The following OTUD7A variants were observed in gnomAD, a reference collection of about 807,000 sequenced individuals.
The protein encoded by OTUD7A is OTU deubiquitinase 7A.
In OTUD7A, 12 loss-of-function variants were observed where a neutral mutation model predicts 65.7. The ratio of observed to expected loss-of-function variants is 0.18; its 90% CI spans 0.12 to 0.30. The LOEUF is 0.30. OTUD7A is among the 10% of genes least tolerant of loss of function. The pLI, the probability that OTUD7A is intolerant of heterozygous loss-of-function variation, is 1.00. For synonymous variants in OTUD7A, 641 were observed against 586.3 expected (o/e 1.09, Z -1.35); for missense variants, 1,148 against 1,304.8 (o/e 0.88, Z 1.85).
At chr15:31,485,115 CG>C (rs1411574936) in intron 12 of OTUD7A, among the ~76,000 whole-genome samples, 1 of 152,156 alleles carries the variant, frequency 6.6e-6, no homozygotes, top group African/African-American at 2.4e-5. Context: ...CAATTTAGAA[CG>C]GTCAGGTTCA....
intron 1 of OTUD7A, among the ~76,000 whole-genome samples, chr15:31,689,852 C>T (rs1278004642): frequency 2.0e-5 from 3 of 152,146 alleles, no homozygotes; most frequent in African/African-American, 7.2e-5. Flanking sequence ...AAACACTGAA[C>T]TCTGACTTCT....
intron 1 of OTUD7A, among the ~76,000 whole-genome samples, chr15:31,797,495 T>A (rs779828862): frequency 1.8e-4 from 27 of 152,200 alleles, no homozygotes; most frequent in Non-Finnish European, 3.4e-4. Context: ...ACCCTCTCCC[T>A]GTAGCCTGTC....
chr15:31,537,182 C>T (rs974765441), intron 5 of OTUD7A, among the ~76,000 whole-genome samples: 2 of 152,066 alleles, frequency 1.3e-5, no homozygotes, highest in Non-Finnish European at 2.9e-5. Context: ...ACAGTTATTG[C>T]CTAATGTGTT....
intron 1 of OTUD7A, among the ~76,000 whole-genome samples, chr15:31,866,719 C>T (rs1442744083): frequency 6.6e-6 from 1 of 152,198 alleles, no homozygotes; most frequent in Non-Finnish European, 1.5e-5. Context: ...CAAGGATGAA[C>T]AGCTTCTAAA....
At chr15:31,514,723 C>T (rs2041816739) in intron 8 of OTUD7A, among the ~76,000 whole-genome samples, 1 of 152,252 alleles carries the variant, frequency 6.6e-6, no homozygotes, top group African/African-American at 2.4e-5. Flanking sequence ...TGGCTCTGGC[C>T]CCTGGTGTCC....
chr15:31,825,064 G>A (rs1469518863), intron 1 of OTUD7A, among the ~76,000 whole-genome samples: 3 of 152,176 alleles, frequency 2.0e-5, no homozygotes, highest in Non-Finnish European at 2.9e-5. Context: ...CTTGACAGAC[G>A]CTGACCCAGT....
intron 3 of OTUD7A, among the ~76,000 whole-genome samples, chr15:31,594,574 G>A (rs1259034008): frequency 1.3e-5 from 2 of 152,244 alleles, no homozygotes; most frequent in Admixed American, 6.5e-5. Context: ...AGCACAGTTA[G>A]AGAGCTGGCG....
chr15:31,589,342 C>T (rs1489465899), intron 3 of OTUD7A, among the ~76,000 whole-genome samples: 1 of 150,516 alleles, frequency 6.6e-6, no homozygotes, highest in Non-Finnish European at 1.5e-5. Flanking sequence ...CTCTGTCACA[C>T]AGGCTGGCGT....
At chr15:31,602,289 G>T (rs796596161) in intron 3 of OTUD7A, among the ~76,000 whole-genome samples, 5 of 152,272 alleles carry the variant, frequency 3.3e-5, no homozygotes, top group African/African-American at 7.2e-5. Flanking sequence ...GGGATGCAAG[G>T]CTGGTTCAAC....
At chr15:31,526,495 GGCCACAGCTGCGCT>G in intron 7 of OTUD7A, 34 bp from the exon 8 acceptor site, 1 of 1,498,024 alleles carries the variant, frequency 6.7e-7, no homozygotes, top group Non-Finnish European at 8.9e-7. Flanking sequence ...AAGGGGGGTG[GGCCACAGCTGCGCT>G]GCCCTCCTCT....
intron 1 of OTUD7A, among the ~76,000 whole-genome samples, chr15:31,821,133 CTT>C (rs35732957): frequency 4.1e-5 from 4 of 97,452 alleles, no homozygotes; most frequent in Admixed American, 1.2e-4. Flanking sequence ...TTTTTCATTT[CTT>C]TTTTTTTTTT....
chr15:31,503,917 C>G, intron 8 of OTUD7A, 99 bp from the exon 9 acceptor site: 1 of 1,421,258 alleles, frequency 7.0e-7, no homozygotes, highest in South Asian at 1.2e-5. Context: ...CCTCCCCACT[C>G]TGGATATTAT....
chr15:31,576,345 A>G (rs1186309306), intron 3 of OTUD7A, among the ~76,000 whole-genome samples: 1 of 152,148 alleles, frequency 6.6e-6, no homozygotes, highest in East Asian at 1.9e-4. Flanking sequence ...CCTCTGCCCT[A>G]TTGTTTATGT....
rs147294757 is a variant in OTUD7A, at chr15:31,498,299, C to G, written c.1171+3391G>C. Among the ~76,000 whole-genome samples, 19 of 152,278 alleles carry G rather than the reference C, an allele frequency of 1.2e-4. No homozygotes were observed. The highest frequency in any genetic ancestry group is 2.2e-4 in the Non-Finnish European group (15 of 68,004). On this transcript the variant is annotated intron_variant, in intron 10 of 12. Transcript: ENST00000307050. The surrounding 1 kb of genome is among the most constrained non-coding windows in gnomAD (Gnocchi z 4.2). ...CTGTGTGAGAATATTTACAGAAATG[C>G]AGATTATTTTATTACATTGGTTTCC...
chr15:31,753,701 ATTAT>A (rs1375366149), intron 1 of OTUD7A, among the ~76,000 whole-genome samples: 3 of 40,500 alleles, frequency 7.4e-5, no homozygotes, highest in African/African-American at 4.7e-4. Context: ...ATATATATAT[ATTAT>A]ATATATATAT....
intron 5 of OTUD7A, among the ~76,000 whole-genome samples, chr15:31,548,265 G>A (rs184149205): frequency 9.5e-4 from 143 of 150,710 alleles, no homozygotes; most frequent in South Asian, 4.3e-3. Flanking sequence ...GTTCCTGCGC[G>A]GTGCCCTCAG....
At chr15:31,653,425 C>T (rs1891899226) in intron 3 of OTUD7A, among the ~76,000 whole-genome samples, 1 of 151,980 alleles carries the variant, frequency 6.6e-6, no homozygotes, top group Admixed American at 6.5e-5. Context: ...GAATACTACT[C>T]AGCAACAAAA....
intron 1 of OTUD7A, chr15:31,766,777 A>C: frequency 6.2e-7 from 1 of 1,613,014 alleles, no homozygotes; most frequent in Non-Finnish European, 8.5e-7. Context: ...CTCTGAATGA[A>C]GATTCAACAG....
intron 1 of OTUD7A, among the ~76,000 whole-genome samples, chr15:31,798,447 G>A (rs1896031703): frequency 6.6e-6 from 1 of 152,170 alleles, no homozygotes; most frequent in South Asian, 2.1e-4. Context: ...AGATGCCCAT[G>A]CTCATGGACA....
Sources: allele counts gnomAD v4.1 joint callset (sites outside exome capture counted in the v4.1 genomes callset), GRCh38; gene constraint gnomAD v4.1.1; non-coding constraint Gnocchi (gnomAD v3.1); transcripts MANE v1.5; gene names NCBI Gene and HGNC (gene_info 2026-07-23, HGNC 2026-07-21).